The following DYNC1H1 variants were observed in gnomAD, a reference collection of about 807,000 sequenced individuals.
The protein encoded by DYNC1H1 is cytoplasmic dynein 1 heavy chain 1.
Under a neutral mutation model 527.1 loss-of-function variants are expected in DYNC1H1, and 51 were observed. The observed-to-expected ratio is 0.10, with a 90% CI of 0.08 to 0.12. DYNC1H1 has a LOEUF of 0.12. Ranked by LOEUF, DYNC1H1 falls within the 10% of genes least tolerant of loss-of-function variation. DYNC1H1 has a pLI of 1.00. For missense variants in DYNC1H1, 2,771 were observed against 5,971.8 expected (o/e 0.46, Z 17.66); for synonymous variants, 2,189 against 2,278.8 (o/e 0.96, Z 1.12).
chr14:102,050,253 G>A, intron 77 of DYNC1H1, 55 bp downstream of exon 77: 2 of 1,613,500 alleles, frequency 1.2e-6, no homozygotes, highest in Non-Finnish European at 1.7e-6. Context: ...CGGTAACAAG[G>A]GCAGAGGCGG....
At chr14:101,977,445 A>G (rs906862516) in intron 2 of DYNC1H1, among the ~76,000 whole-genome samples, 1 of 152,224 alleles carries the variant, frequency 6.6e-6, no homozygotes, top group Non-Finnish European at 1.5e-5. Flanking sequence ...GTTATAGACA[A>G]TATGCTCCTT....
At position 102,028,091 on chromosome 14, in the gene DYNC1H1, C is replaced by A; in HGVS notation, c.9418C>A (p.Arg3140=). 6.2e-7 allele frequency: 1 copy of A among 1,614,188 alleles called. No individual in the cohort carries two copies. The change falls in exon 48 of 78, where the codon CGG becomes AGG. Residue 3140 remains arginine, a synonymous_variant. Transcript: ENST00000360184. ...TAAGCTGCCGCAGCCACCATCCCATCGGGAAGCCATTGTGAACAGCTGTGT... is the reference window on the plus strand; with the variant it reads ...TAAGCTGCCGCAGCCACCATCCCATAGGGAAGCCATTGTGAACAGCTGTGT... ...YDKLPQPPSH[R]EAIVNSCVFV...
At chr14:102,043,821 C>T (rs2152597412) in intron 69 of DYNC1H1, 54 bp from the exon 70 acceptor site, 2 of 1,613,256 alleles carry the variant, frequency 1.2e-6, no homozygotes, top group Non-Finnish European at 8.5e-7. Flanking sequence ...CTGCACTGTT[C>T]TTGGCGAAGT....
In DYNC1H1 at chr14:102,005,333, G is replaced by C; in HGVS notation, c.5433+97G>C. 1 of 1,507,296 alleles carries C rather than the reference G, an allele frequency of 6.6e-7. No homozygotes were observed. Among genetic ancestry groups the C allele is most frequent in the Non-Finnish European group, 9.2e-7 (1 of 1,091,820 alleles). The allele number at this position is 1,507,296 out of a possible 1,614,324, so 93.4% of individuals were successfully genotyped here. ...TCATGCTTGAAAAAGGTTTCAGGTA[G>C]TATCAAGGAGAACAGTGGATGGTGT... On this transcript the variant is annotated intron_variant, in intron 26 of 77. Transcript: ENST00000360184. This position sits in a 1 kb window ranked among gnomAD's most constrained non-coding sequence, Gnocchi z 4.0.
Position 102,041,370 on chromosome 14 carries a change from A to G in DYNC1H1, c.11942-204A>G. The G allele has an allele frequency of 1.3e-6, 1 of 747,284 alleles. No homozygotes were observed. The highest frequency in any genetic ancestry group is 2.3e-6 in the Non-Finnish European group (1 of 438,786). The allele number at this position is 747,284 out of a possible 1,614,324, so 46.3% of individuals were successfully genotyped here. ...AATGGCACCTTTGTCCTATGGATAC[A>G]TCCAGGTAGTAAGGTGTTCTCACAG... On this transcript the variant is annotated intron_variant, in intron 64 of 77. Transcript: ENST00000360184. The surrounding 1 kb of genome is among the most constrained non-coding windows in gnomAD (Gnocchi z 4.5).
chr14:102,042,525 T>C lies in DYNC1H1; in HGVS notation c.12399+18T>C. On this transcript the variant is annotated intron_variant, in intron 68 of 77. Transcript: ENST00000360184. The surrounding 1 kb of genome is among the most constrained non-coding windows in gnomAD (Gnocchi z 5.7). ...ACCCCAAGGTGGGTGGTTGAAGGAGTGGAGACGTTGCAGGCTGGCCTGGCA... is the reference window on the plus strand; with the variant it reads ...ACCCCAAGGTGGGTGGTTGAAGGAGCGGAGACGTTGCAGGCTGGCCTGGCA... 1.2e-6 allele frequency: 2 copies of C among 1,613,680 alleles called. No individual in the cohort carries two copies. The highest frequency in any genetic ancestry group is 1.7e-6 in the Non-Finnish European group (2 of 1,179,912).
intron 52 of DYNC1H1, 129 bp downstream of exon 52, chr14:102,032,596 A>T: frequency 8.0e-7 from 1 of 1,242,344 alleles, no homozygotes. Flanking sequence ...TCACGGCTCC[A>T]ATCCCAGAAC....
intron 5 of DYNC1H1, among the ~76,000 whole-genome samples, chr14:101,981,540 T>C (rs891949665): frequency 1.3e-5 from 2 of 152,244 alleles, no homozygotes; most frequent in South Asian, 4.1e-4. Flanking sequence ...TCTGTTCAAC[T>C]CTGTGCTCAC....
At chr14:101,994,513 G>A (rs935094345) in intron 12 of DYNC1H1, among the ~76,000 whole-genome samples, 160 bp from the exon 13 acceptor site, 2 of 152,192 alleles carry the variant, frequency 1.3e-5, no homozygotes, top group Admixed American at 6.5e-5. Context: ...TGACGTTCAA[G>A]AATCTTTTTT....
Position 102,002,765 on chromosome 14 carries a change from T to C in DYNC1H1, c.4710-27T>C, listed in dbSNP as rs1291195747. ...GCTAGTGACTACTCTACACAAAGGC[T>C]GACGCATGTTTTAATTTCATTTGTA... is the stretch of plus-strand genomic sequence containing the variant. On this transcript the variant is annotated intron_variant, in intron 22 of 77. Transcript: ENST00000360184. This position sits in a 1 kb window ranked among gnomAD's most constrained non-coding sequence, Gnocchi z 4.4. 2.5e-6 allele frequency: 4 copies of C among 1,614,162 alleles called. No homozygotes were observed. Among genetic ancestry groups the C allele is most frequent in the Non-Finnish European group, 3.4e-6 (4 of 1,180,060 alleles).
chr14:102,006,922 G>A, intron 27 of DYNC1H1, 86 bp from the exon 28 acceptor site: 3 of 1,464,522 alleles, frequency 2.0e-6, no homozygotes, highest in Non-Finnish European at 2.8e-6. Flanking sequence ...TTTTAAATGA[G>A]TTGCTTTTTG....
At position 101,986,254 on chromosome 14, in the gene DYNC1H1, G is replaced by T. The variant is rs563050462; in HGVS notation, c.2029G>T (p.Val677Leu). ...DVLGKGWENHVEGQKLKQDGD... is the reference protein window; with the variant it reads ...DVLGKGWENHLEGQKLKQDGD... ...CCTTGGCAAGGGCTGGGAGAATCAC[G>T]TGGAGGGGCAGAAGCTGAAGCAGGA... Residue 677 changes from valine to leucine, a missense_variant, in exon 8 of 78, where the codon GTG (valine) becomes TTG (leucine). Coordinates refer to ENST00000360184, the MANE Select transcript of DYNC1H1 (RefSeq NM_001376.5). This position sits in a 1 kb window ranked among gnomAD's most constrained non-coding sequence, Gnocchi z 8.7. The T allele has an allele frequency of 1.2e-6, 2 of 1,614,054 alleles. No homozygotes were observed. The highest frequency in any genetic ancestry group is 1.1e-5 in the South Asian group (1 of 91,056).
At position 102,015,801 on chromosome 14, in the gene DYNC1H1, T is replaced by C; in HGVS notation, c.7243-55T>C. 2 of 1,594,062 alleles carry C rather than the reference T, an allele frequency of 1.3e-6. No homozygotes were observed. The highest frequency in any genetic ancestry group is 1.1e-5 in the South Asian group (1 of 88,948). ...TCTCCTGGGACCAGGTTAGAATCGA[T>C]GAAACTCGCCTGCCTTTTGAAAGAT... On this transcript the variant is annotated intron_variant, in intron 35 of 77. Transcript: ENST00000360184. The surrounding 1 kb of genome is among the most constrained non-coding windows in gnomAD (Gnocchi z 6.9).
At chr14:102,008,753 A>G (rs1399132764) in intron 29 of DYNC1H1, among the ~76,000 whole-genome samples, 1 of 152,104 alleles carries the variant, frequency 6.6e-6, no homozygotes, top group Non-Finnish European at 1.5e-5. Context: ...ATGCCACTGC[A>G]CTCCAGCCTA....
At position 102,049,635 on chromosome 14, in the gene DYNC1H1, GT is replaced by G; in HGVS notation, c.13515+54del. Reference sequence around the variant, plus strand: ...TGGTCAGCAGCTGTCCTGGGCTGGGGTGGGAGTGGCTCTGGGGAAAAACACA... The same window carrying G: ...TGGTCAGCAGCTGTCCTGGGCTGGGGGGGAGTGGCTCTGGGGAAAAACACA... On this transcript the variant is annotated intron_variant, in intron 75 of 77. Transcript: ENST00000360184. This position sits in a 1 kb window ranked among gnomAD's most constrained non-coding sequence, Gnocchi z 5.5. The G allele has an allele frequency of 6.2e-7, 1 of 1,613,286 alleles. No homozygotes were observed. The highest frequency in any genetic ancestry group is 1.1e-5 in the South Asian group (1 of 91,068).
intron 1 of DYNC1H1, among the ~76,000 whole-genome samples, chr14:101,969,080 C>T (rs767511474): frequency 6.6e-5 from 10 of 151,954 alleles, no homozygotes; most frequent in African/African-American, 1.2e-4. Context: ...TGCAGTGGCA[C>T]GATCTCAGCT....
intron 69 of DYNC1H1, chr14:102,043,643 C>T (rs1434969301): frequency 6.6e-5 from 39 of 591,906 alleles, no homozygotes; most frequent in Non-Finnish European, 1.5e-5. Context: ...GAAACTCTGT[C>T]TTCTCTAGAT....
At chr14:101,996,987 A>G (rs781564358) in intron 15 of DYNC1H1, 48 bp from the exon 16 acceptor site, 42 of 1,578,848 alleles carry the variant, frequency 2.7e-5, no homozygotes, top group Non-Finnish European at 3.5e-5. Flanking sequence ...AATAATTTCT[A>G]TCATTGTTAT....
chr14:102,042,657 C>T lies in DYNC1H1; in HGVS notation c.12422C>T (p.Ala4141Val), dbSNP rs751754403. Residue 4141 changes from alanine (A) to valine (V), a missense_variant, in exon 69 of 78, where the codon GCG becomes GTG. Around this residue, in one of 32 missense-constraint regions of DYNC1H1, gnomAD observed 195 missense variants for 428.6 expected, o/e 0.45. Transcript: ENST00000360184. The surrounding 1 kb of genome is among the most constrained non-coding windows in gnomAD (Gnocchi z 5.7). The stretch of plus-strand genomic sequence containing the variant: ...TAGGTGCCTGTGAATCTGCTCCGTG[C>T]GGGCCGCATCTTTGTGTTCGAGCCA... ...NPKVPVNLLRAGRIFVFEPPP... is the reference protein window; with the variant it reads ...NPKVPVNLLRVGRIFVFEPPP... The T allele has an allele frequency of 3.1e-6, 5 of 1,614,154 alleles. No homozygotes were observed. Among genetic ancestry groups the T allele is most frequent in the Admixed American group, 1.7e-5 (1 of 60,018 alleles).
Sources: gnomAD v4.1 joint callset for allele counts (sites outside exome capture counted in the v4.1 genomes callset) on GRCh38, gnomAD v4.1.1 for gene constraint, gnomAD v4.1.1 regional missense constraint, Gnocchi (gnomAD v3.1) non-coding constraint, MANE v1.5 for transcripts, NCBI Gene and HGNC (gene_info 2026-07-23, HGNC 2026-07-21) for gene names.